The following TNNI3K variants were observed in gnomAD, a reference collection of about 807,000 sequenced individuals.
TNNI3K encodes the protein serine/threonine-protein kinase TNNI3K.
A neutral mutation model predicts 114.5 loss-of-function variants in TNNI3K; 140 were observed. The observed-to-expected ratio is 1.22, with a 90% CI of 1.07 to 1.41. The LOEUF (loss-of-function observed/expected upper bound fraction) is 1.41, where lower values mean the gene tolerates loss of function less well. Ranked by LOEUF, TNNI3K falls within the 40% of genes most tolerant of loss-of-function variation. The pLI is 0.00. For synonymous variants in TNNI3K, 347 were observed against 347.5 expected (o/e 1.00, Z 0.02); for missense variants, 1,125 against 1,007.6 (o/e 1.12, Z -1.58).
intron 5 of TNNI3K, among the ~76,000 whole-genome samples, chr1:74,316,516 G>A (rs567646626): frequency 1.2e-3 from 176 of 152,078 alleles, no homozygotes; most frequent in South Asian, 2.9e-3. Context: ...CCTTTGACCT[G>A]CTTTTCTCTA....
At chr1:74,324,460 A>G (rs1018064376) in intron 5 of TNNI3K, among the ~76,000 whole-genome samples, 5 of 152,238 alleles carry the variant, frequency 3.3e-5, no homozygotes, top group African/African-American at 1.2e-4. Context: ...TTGAAAAGCT[A>G]TCTGCTCAAT....
At chr1:74,280,474 C>T (rs892760004) in intron 5 of TNNI3K, among the ~76,000 whole-genome samples, 5 of 152,138 alleles carry the variant, frequency 3.3e-5, no homozygotes, top group Non-Finnish European at 5.9e-5. Context: ...CCCACCTCCC[C>T]ACTAGTGGCA....
intron 5 of TNNI3K, among the ~76,000 whole-genome samples, chr1:74,329,085 C>A (rs1660065614): frequency 6.6e-6 from 1 of 152,040 alleles, no homozygotes; most frequent in Admixed American, 6.6e-5. Context: ...GAATTAGTTA[C>A]TTTATTTACT....
chr1:74,468,838 A>T (rs991206024), intron 21 of TNNI3K: 10 of 152,158 alleles, frequency 6.6e-5, no homozygotes, highest in African/African-American at 2.4e-4. Flanking sequence ...TTGTGAAGGT[A>T]TGCTTCAAAT....
chr1:74,353,596 A>C (rs953018246), intron 10 of TNNI3K, among the ~76,000 whole-genome samples: 3 of 151,628 alleles, frequency 2.0e-5, no homozygotes, highest in Non-Finnish European at 2.9e-5. Context: ...TCTTATGGCC[A>C]GCACTAGGGA....
intron 17 of TNNI3K, among the ~76,000 whole-genome samples, chr1:74,421,470 T>G (rs1462713272): frequency 1.3e-5 from 2 of 152,096 alleles, no homozygotes; most frequent in African/African-American, 4.8e-5. Flanking sequence ...GGTAACATAT[T>G]TAGATATAAG....
intron 2 of TNNI3K, among the ~76,000 whole-genome samples, chr1:74,242,841 A>ATCTCTCTCTGCCTCTC (rs996898771): frequency 1.3e-5 from 2 of 151,502 alleles, no homozygotes; most frequent in Admixed American, 1.3e-4. Flanking sequence ...CTTGACCTCA[A>ATCTCTCTCTGCCTCTC]TCTCTCTCTG....
chr1:74,281,088 G>C (rs1163076408), intron 5 of TNNI3K, among the ~76,000 whole-genome samples: 1 of 152,144 alleles, frequency 6.6e-6, no homozygotes, highest in African/African-American at 2.4e-5. Flanking sequence ...AGGGAACCCA[G>C]TGCGCTGAAG....
intron 23 of TNNI3K, among the ~76,000 whole-genome samples, chr1:74,532,508 G>A (rs935795670): frequency 6.6e-6 from 1 of 150,842 alleles, no homozygotes; most frequent in Non-Finnish European, 1.5e-5. Flanking sequence ...AAGTTTTAGG[G>A]TACATGTGCA....
chr1:74,310,569 A>G lies in TNNI3K; in HGVS notation c.445-20881A>G, dbSNP rs116266522. Among the ~76,000 whole-genome samples the G allele has an allele frequency of 2.2e-3, 339 of 152,332 alleles. 1 individual carries two copies. Among genetic ancestry groups the G allele is most frequent in the African/African-American group, 7.7e-3 (320 of 41,586 alleles). On this transcript the variant is annotated intron_variant, in intron 5 of 24. Coordinates refer to ENST00000326637, the MANE Select transcript of TNNI3K (RefSeq NM_015978.3). ...ATCACATGACCCAACTCCAAACTATACTACAAGCCTACAGTAACTAAAATA... is the reference window on the plus strand; with the variant it reads ...ATCACATGACCCAACTCCAAACTATGCTACAAGCCTACAGTAACTAAAATA...
intron 20 of TNNI3K, among the ~76,000 whole-genome samples, chr1:74,462,843 C>T (rs1443714949): frequency 6.6e-6 from 1 of 152,196 alleles, no homozygotes; most frequent in Admixed American, 6.5e-5. Flanking sequence ...ACACGACAGA[C>T]TTCAATCAAT....
chr1:74,374,000 A>G (rs1224320227), intron 17 of TNNI3K: 1 of 151,902 alleles, frequency 6.6e-6, no homozygotes, highest in African/African-American at 2.4e-5. Context: ...CATATTTCCT[A>G]TGCACATCCT....
At chr1:74,291,605 G>C (rs1398804382) in intron 5 of TNNI3K, among the ~76,000 whole-genome samples, 3 of 151,492 alleles carry the variant, frequency 2.0e-5, no homozygotes, top group African/African-American at 7.3e-5. Flanking sequence ...TCTATCCTAA[G>C]TTGACTGACT....
At chr1:74,504,406 C>T (rs1669785015) in intron 23 of TNNI3K, among the ~76,000 whole-genome samples, 1 of 152,148 alleles carries the variant, frequency 6.6e-6, no homozygotes, top group Non-Finnish European at 1.5e-5. Flanking sequence ...GGCTTGGAGA[C>T]TTCACGCCGA....
chr1:74,504,795 T>C (rs1669807996), intron 23 of TNNI3K, among the ~76,000 whole-genome samples: 1 of 152,120 alleles, frequency 6.6e-6, no homozygotes. Flanking sequence ...TTTCGTGTTC[T>C]TTTCTATCCG....
intron 21 of TNNI3K, among the ~76,000 whole-genome samples, chr1:74,478,124 A>G (rs1271726944): frequency 7.2e-5 from 11 of 152,212 alleles, no homozygotes; most frequent in Admixed American, 7.2e-4. Flanking sequence ...TTTTTCCCAC[A>G]ATCTAGAAGT....
intron 22 of TNNI3K, among the ~76,000 whole-genome samples, chr1:74,491,404 G>T (rs956331070): frequency 6.6e-6 from 1 of 152,116 alleles, no homozygotes; most frequent in Admixed American, 6.6e-5. Flanking sequence ...ATTTTTATTA[G>T]AGACGGGGTT....
chr1:74,518,413 A>G (rs1193425453), intron 23 of TNNI3K, among the ~76,000 whole-genome samples: 2 of 152,120 alleles, frequency 1.3e-5, no homozygotes, highest in Non-Finnish European at 2.9e-5. Flanking sequence ...TTCTTTACCT[A>G]AAGGGACCAA....
intron 21 of TNNI3K, 34 bp downstream of exon 21, chr1:74,463,584 T>G (rs768333936): frequency 6.2e-7 from 1 of 1,608,906 alleles, no homozygotes; most frequent in Admixed American, 1.7e-5. Context: ...AGAAAATGTG[T>G]TATGGTCAAA....
Sources: allele counts gnomAD v4.1 joint callset (sites outside exome capture counted in the v4.1 genomes callset), GRCh38; gene constraint gnomAD v4.1.1; transcripts MANE v1.5; gene names NCBI Gene and HGNC (gene_info 2026-07-23, HGNC 2026-07-21).